Variants in SGIP1 observed in about 807,000 individuals in gnomAD.
SGIP1 encodes SH3-containing GRB2-like protein 3-interacting protein 1.
SGIP1 carries 38 observed loss-of-function variants against 107.5 expected under a neutral mutation model. The ratio of observed to expected loss-of-function variants is 0.35; its 90% CI spans 0.27 to 0.46. SGIP1 has a LOEUF of 0.46. Among genes scored for constraint, SGIP1 ranks in the 20% least tolerant of loss-of-function variants. The pLI is 1.00. For synonymous variants in SGIP1, 365 were observed against 366.1 expected, an observed-to-expected ratio of 1.00 and a Z score of 0.03; for missense variants, 929 against 1,019.5, an observed-to-expected ratio of 0.91 and a Z score of 1.21.
intron 10 of SGIP1, among the ~76,000 whole-genome samples, chr1:66,671,245 C>A (rs1040057680): frequency 6.6e-6 from 1 of 152,032 alleles, no homozygotes; most frequent in African/African-American, 2.4e-5. Flanking sequence ...TTTGGAAAAA[C>A]ATTGCTATTT....
chr1:66,699,521 C>G (rs934705405), intron 18 of SGIP1, among the ~76,000 whole-genome samples: 2 of 152,170 alleles, frequency 1.3e-5, no homozygotes, highest in East Asian at 1.9e-4. Context: ...GAAGCTTTCT[C>G]TCCACTTTAC....
intron 8 of SGIP1, among the ~76,000 whole-genome samples, chr1:66,664,784 T>C (rs1183524884): frequency 3.3e-5 from 5 of 151,242 alleles, no homozygotes; most frequent in East Asian, 2.0e-4. Context: ...AGCGCACATA[T>C]TGAAAGGGAA....
intron 1 of SGIP1, among the ~76,000 whole-genome samples, chr1:66,549,141 T>TG (rs1557849647): frequency 5.2e-3 from 97 of 18,638 alleles, no homozygotes; most frequent in Non-Finnish European, 7.1e-3. Context: ...CTACCTGCCT[T>TG]CCTTCCTTCC....
At chr1:66,613,123 GT>G (rs928049367) in intron 1 of SGIP1, among the ~76,000 whole-genome samples, 1 of 152,118 alleles carries the variant, frequency 6.6e-6, no homozygotes, top group African/African-American at 2.4e-5. Context: ...GTCTTTTGGT[GT>G]TGTAGAAAAC....
rs2062514920 is a variant in SGIP1, at chr1:66,585,726, G to A, written c.11-40121G>A. 2.0e-5 allele frequency among the ~76,000 whole-genome samples: 3 copies of A among 152,062 alleles called. No homozygotes were observed. In the South Asian group the frequency reaches 6.2e-4, roughly 32 times the overall value. ...GCTGGTCTTGAGCTCCTGACCTCAG[G>A]TGATCCACCCACCTTGGCCTCCCAA... On this transcript the variant is annotated intron_variant, in intron 1 of 24. Coordinates refer to ENST00000371037, the MANE Select transcript of SGIP1 (RefSeq NM_032291.4).
At chr1:66,631,651 TG>T (rs1388127192) in intron 2 of SGIP1, among the ~76,000 whole-genome samples, 6 of 147,260 alleles carry the variant, frequency 4.1e-5, no homozygotes, top group African/African-American at 1.3e-4. Flanking sequence ...CTCTCTGCAT[TG>T]CTCTCTCTCT....
chr1:66,680,837 G>A (rs994270476), intron 14 of SGIP1, among the ~76,000 whole-genome samples: 1 of 152,112 alleles, frequency 6.6e-6, no homozygotes, highest in East Asian at 1.9e-4. Context: ...GTTATATAAA[G>A]GTAAAGTGAC....
At chr1:66,606,925 T>C (rs184972118) in intron 1 of SGIP1, among the ~76,000 whole-genome samples, 4 of 152,320 alleles carry the variant, frequency 2.6e-5, no homozygotes, top group Admixed American at 2.0e-4. Flanking sequence ...AGATTCTCAC[T>C]GGAGTTTGTG....
intron 1 of SGIP1, among the ~76,000 whole-genome samples, chr1:66,583,658 T>C (rs2062139490): frequency 6.6e-6 from 1 of 152,154 alleles, no homozygotes; most frequent in Non-Finnish European, 1.5e-5. Flanking sequence ...TGGATAAGCC[T>C]TCCTATTCCC....
intron 1 of SGIP1, among the ~76,000 whole-genome samples, chr1:66,570,049 A>T (rs558554094): frequency 6.6e-6 from 1 of 151,916 alleles, no homozygotes; most frequent in Non-Finnish European, 1.5e-5. Context: ...TTTAATGTCC[A>T]TAGAATCTGT....
intron 17 of SGIP1, among the ~76,000 whole-genome samples, chr1:66,692,105 G>T (rs918899844): frequency 6.7e-6 from 1 of 148,356 alleles, no homozygotes; most frequent in East Asian, 2.0e-4. Context: ...GTTGCAGTGA[G>T]CCAAGATCGT....
intron 1 of SGIP1, among the ~76,000 whole-genome samples, chr1:66,589,163 C>CAT (rs55788345): frequency 2.5e-3 from 175 of 69,702 alleles, no homozygotes; most frequent in Non-Finnish European, 4.1e-3. Flanking sequence ...TAAAAGTTTA[C>CAT]ATATATATAT....
intron 18 of SGIP1, among the ~76,000 whole-genome samples, chr1:66,705,729 C>A (rs9633417): frequency 0.12 from 18,572 of 152,072 alleles, 1,858 homozygotes; most frequent in East Asian, 0.51. Context: ...CTGCAAGGAA[C>A]CATTCAAGAA....
intron 5 of SGIP1, among the ~76,000 whole-genome samples, chr1:66,642,031 C>T (rs937745921): frequency 1.1e-4 from 16 of 152,204 alleles, no homozygotes; most frequent in Admixed American, 3.9e-4. Context: ...TTTTCTTTCT[C>T]CAGTTCTTCT....
chr1:66,689,107 C>T (rs752471914), intron 15 of SGIP1, 41 bp from the exon 16 acceptor site: 1 of 1,597,054 alleles, frequency 6.3e-7, no homozygotes, highest in African/African-American at 1.3e-5. Flanking sequence ...CGCTTTGGCC[C>T]CCTGTGTTTC....
At chr1:66,712,271 A>C (rs1418096450) in intron 18 of SGIP1, among the ~76,000 whole-genome samples, 1 of 152,188 alleles carries the variant, frequency 6.6e-6, no homozygotes, top group African/African-American at 2.4e-5. Flanking sequence ...AGTTTGACAT[A>C]AATTCACATT....
At chr1:66,703,040 G>T (rs912315313) in intron 18 of SGIP1, among the ~76,000 whole-genome samples, 6 of 152,218 alleles carry the variant, frequency 3.9e-5, no homozygotes, top group African/African-American at 9.6e-5. Context: ...TGAAGCATAA[G>T]TTAAATAGTT....
chr1:66,641,958 C>T (rs1391809655), intron 5 of SGIP1, among the ~76,000 whole-genome samples: 1 of 152,172 alleles, frequency 6.6e-6, no homozygotes, highest in Admixed American at 6.5e-5. Context: ...CCCATCCCAC[C>T]AATAACTCTA....
At chr1:66,699,284 C>G (rs531744901) in intron 18 of SGIP1, among the ~76,000 whole-genome samples, 21 of 152,280 alleles carry the variant, frequency 1.4e-4, no homozygotes, top group African/African-American at 5.1e-4. Context: ...GCTTCCAAAG[C>G]CTTCCTGATT....
Sources: gnomAD v4.1 joint callset for allele counts (sites outside exome capture counted in the v4.1 genomes callset) on GRCh38, gnomAD v4.1.1 for gene constraint, MANE v1.5 for transcripts, NCBI Gene and HGNC (gene_info 2026-07-23, HGNC 2026-07-21) for gene names.